Variants in MOB1A observed in about 807,000 individuals in gnomAD.
The protein encoded by MOB1A is MOB1 Mps One Binder homolog A.
A neutral mutation model predicts 25.1 loss-of-function variants in MOB1A; 10 were observed. The observed-to-expected ratio is 0.40, with a 90% CI of 0.25 to 0.68. The LOEUF (loss-of-function observed/expected upper bound fraction) is 0.68, where lower values mean the gene tolerates loss of function less well. Among genes scored for constraint, MOB1A ranks in the 30% least tolerant of loss-of-function variants. MOB1A has a pLI of 0.40. For synonymous variants in MOB1A, 81 were observed against 79.5 expected (o/e 1.02, Z -0.10); for missense variants, 177 against 256.3 (o/e 0.69, Z 2.11).
rs58496712 is a variant in MOB1A, at chr2:74,176,083, T to TACACACACACACAC, written c.14+2564_14+2577dup. ...CAACATAGTGAAACCCCGCCTCTAC[T>TACACACACACACAC]ACACACACACACACACACACACACA... On this transcript the variant is annotated intron_variant, in intron 1 of 5. Coordinates refer to ENST00000396049, the MANE Select transcript of MOB1A (RefSeq NM_018221.5). Among the ~76,000 whole-genome samples, 558 of 129,296 alleles carry TACACACACACACAC rather than the reference T, an allele frequency of 4.3e-3. 5 individuals carry two copies. The highest frequency in any genetic ancestry group is 0.012 in the African/African-American group (399 of 32,560). 84.8% of individuals were successfully genotyped at this position (129,296 alleles called of 152,430 possible). A position where few individuals can be genotyped will look rare whatever the true frequency, so the allele number is the denominator to read the frequency against.
chr2:74,167,203 A>G, intron 2 of MOB1A, 96 bp from the exon 3 acceptor site: 1 of 854,334 alleles, frequency 1.2e-6, no homozygotes, highest in Non-Finnish European at 1.9e-6. Flanking sequence ...TTAGGTTCTT[A>G]GCTGAACCCT....
rs1056433633 is a variant in MOB1A, at chr2:74,178,861, C to G, written c.-187G>C. 5 of 388,786 alleles carry G rather than the reference C, an allele frequency of 1.3e-5. No individual in the cohort carries two copies. In the East Asian group the frequency reaches 1.5e-4, roughly 11 times the overall value. The allele number at this position is 388,786 out of a possible 1,614,324, so 24.1% of individuals were successfully genotyped here. A position where few individuals can be genotyped will look rare whatever the true frequency, so the allele number is the denominator to read the frequency against. On this transcript the variant is annotated 5_prime_UTR_variant, in exon 1 of 6. Coordinates refer to ENST00000396049, the MANE Select transcript of MOB1A (RefSeq NM_018221.5). ...CGGCGCCCGCCTTGCCCGCCTACCC[C>G]ACCTCGCAGACCCGAAATGCGGAAC... is the stretch of plus-strand genomic sequence containing the variant.
At position 74,170,943 on chromosome 2, in the gene MOB1A, G is replaced by A. The variant is rs1219568348; in HGVS notation, c.181+1643C>T. Among the ~76,000 whole-genome samples the A allele has an allele frequency of 3.3e-5, 5 of 151,904 alleles. No homozygotes were observed. In the East Asian group the frequency reaches 9.7e-4, roughly 29 times the overall value. ...ATACACACAGGCCTCTTTGGATCCT[G>A]ATTTAAACAAAGCATAGATTTTTAA... On this transcript the variant is annotated intron_variant, in intron 2 of 5. Transcript: ENST00000396049.
chr2:74,171,300 A>T (rs1003575466), intron 2 of MOB1A, among the ~76,000 whole-genome samples: 8 of 143,688 alleles, frequency 5.6e-5, no homozygotes, highest in African/African-American at 1.7e-4. Context: ...AAAATAAAAT[A>T]AAAAAAAAAT....
At chr2:74,169,654 G>T (rs1693227225) in intron 2 of MOB1A, among the ~76,000 whole-genome samples, 1 of 151,302 alleles carries the variant, frequency 6.6e-6, no homozygotes, top group African/African-American at 2.4e-5. Context: ...CCCCCGACTG[G>T]GTCTCACTCT....
Position 74,153,573 on chromosome 2 carries a change from A to AATTG in MOB1A, c.*2994_*2995insCAAT, listed in dbSNP as rs1467587946. On this transcript the variant is annotated 3_prime_UTR_variant, in exon 6 of 6. Coordinates refer to ENST00000396049, the MANE Select transcript of MOB1A (RefSeq NM_018221.5). Reference sequence around the variant, plus strand: ...AATCACTTTATTCACAATCTGAAGAATGAAAGACAAATTTGGCTGTCAATA... The same window carrying AATTG: ...AATCACTTTATTCACAATCTGAAGAAATTGTGAAAGACAAATTTGGCTGTCAATA... The AATTG allele has an allele frequency of 6.6e-6, 1 of 152,266 alleles. No homozygotes were observed. The highest frequency in any genetic ancestry group is 6.5e-5 in the Admixed American group (1 of 15,282). The allele number at this position is 152,266 out of a possible 1,614,324, so 9.4% of individuals were successfully genotyped here. A position where few individuals can be genotyped will look rare whatever the true frequency, so the allele number is the denominator to read the frequency against.
Position 74,152,973 on chromosome 2 carries a change from T to C in MOB1A, c.*3595A>G, listed in dbSNP as rs1256022083. 1 of 152,216 alleles carries C rather than the reference T, an allele frequency of 6.6e-6. No individual in the cohort carries two copies. The highest frequency in any genetic ancestry group is 1.5e-5 in the Non-Finnish European group (1 of 68,024). The allele number at this position is 152,216 out of a possible 1,614,324, so 9.4% of individuals were successfully genotyped here. On this transcript the variant is annotated 3_prime_UTR_variant, in exon 6 of 6. Coordinates refer to ENST00000396049, the MANE Select transcript of MOB1A (RefSeq NM_018221.5). ...TGTACTATCATCCCCCAAGGCCTTT[T>C]ACAGTCTGAAATATCAAAATTGAAA...
intron 2 of MOB1A, among the ~76,000 whole-genome samples, chr2:74,170,601 G>T (rs1469532859): frequency 6.6e-6 from 1 of 151,528 alleles, no homozygotes; most frequent in Non-Finnish European, 1.5e-5. Flanking sequence ...CAGGTGTGGT[G>T]GCGGGCACCT....
chr2:74,165,046 A>G, intron 4 of MOB1A, 172 bp downstream of exon 4: 2 of 380,310 alleles, frequency 5.3e-6, no homozygotes, highest in Non-Finnish European at 9.2e-6. Flanking sequence ...CAGGCTGGAT[A>G]CGGTGGCTCA....
intron 5 of MOB1A, among the ~76,000 whole-genome samples, chr2:74,158,186 A>AC: frequency 8.9e-6 from 1 of 111,862 alleles, no homozygotes; most frequent in African/African-American, 4.6e-5. Flanking sequence ...TCTCCAAAAA[A>AC]AAAAAAAAGA....
At chr2:74,174,230 C>T (rs1357412914) in intron 1 of MOB1A, among the ~76,000 whole-genome samples, 2 of 144,420 alleles carry the variant, frequency 1.4e-5, no homozygotes, top group Admixed American at 7.2e-5. Flanking sequence ...AAGCTTGCAC[C>T]ACTGCACTCC....
In MOB1A at chr2:74,155,158, G is replaced by C. The variant is rs1430334977; in HGVS notation, c.*1410C>G. ...ATGAACTTAAAGCTTTGCCAGTTTG[G>C]CAAGTCTTCCAGTATAATACTTGTT... is the stretch of plus-strand genomic sequence containing the variant. On this transcript the variant is annotated 3_prime_UTR_variant, in exon 6 of 6. Coordinates refer to ENST00000396049, the MANE Select transcript of MOB1A (RefSeq NM_018221.5). 1.3e-5 allele frequency: 2 copies of C among 152,406 alleles called. No individual in the cohort carries two copies. Among genetic ancestry groups the C allele is most frequent in the African/African-American group, 4.8e-5 (2 of 41,438 alleles). The allele number at this position is 152,406 out of a possible 1,614,324, so 9.4% of individuals were successfully genotyped here.
rs1189311301 is a variant in MOB1A, at chr2:74,155,150, C to A, written c.*1418G>T. The stretch of plus-strand genomic sequence containing the variant: ...GAATGCTGATGAACTTAAAGCTTTG[C>A]CAGTTTGGCAAGTCTTCCAGTATAA... On this transcript the variant is annotated 3_prime_UTR_variant, in exon 6 of 6. Coordinates refer to ENST00000396049, the MANE Select transcript of MOB1A (RefSeq NM_018221.5). The A allele has an allele frequency of 6.6e-6, 1 of 152,412 alleles. No homozygotes were observed. The highest frequency in any genetic ancestry group is 2.4e-5 in the African/African-American group (1 of 41,460). 9.4% of individuals were successfully genotyped at this position (152,412 alleles called of 1,614,324 possible). A position where few individuals can be genotyped will look rare whatever the true frequency, so the allele number is the denominator to read the frequency against.
intron 2 of MOB1A, among the ~76,000 whole-genome samples, chr2:74,167,972 AC>A (rs1361000112): frequency 6.6e-6 from 1 of 152,128 alleles, no homozygotes; most frequent in Admixed American, 6.6e-5. Flanking sequence ...TTCCATCTCT[AC>A]AAAAATTTTT....
intron 2 of MOB1A, among the ~76,000 whole-genome samples, chr2:74,172,242 A>G (rs1291053074): frequency 6.6e-6 from 1 of 152,218 alleles, no homozygotes; most frequent in East Asian, 1.9e-4. Context: ...TGGGAGTGGA[A>G]GTAAAACTGT....
At chr2:74,170,629 G>A (rs1287510807) in intron 2 of MOB1A, among the ~76,000 whole-genome samples, 1 of 151,034 alleles carries the variant, frequency 6.6e-6, no homozygotes, top group African/African-American at 2.4e-5. Context: ...CAGCTACTCA[G>A]GAGGCTGAGG....
chr2:74,160,327 A>G (rs1258469505), intron 4 of MOB1A, among the ~76,000 whole-genome samples: 3 of 151,976 alleles, frequency 2.0e-5, no homozygotes, highest in African/African-American at 2.4e-5. Context: ...ATCCCTTAGG[A>G]AAAAAAAGAA....
chr2:74,172,470 T>C (rs898036602), intron 2 of MOB1A, 116 bp downstream of exon 2: 9 of 996,310 alleles, frequency 9.0e-6, no homozygotes, highest in Admixed American at 5.2e-5. Flanking sequence ...ACTTAATGTT[T>C]CTTTACAGAT....
At chr2:74,168,270 A>G (rs753054556) in intron 2 of MOB1A, among the ~76,000 whole-genome samples, 65 of 152,238 alleles carry the variant, frequency 4.3e-4, no homozygotes, top group Non-Finnish European at 8.5e-4. Flanking sequence ...AGCTTCAGCT[A>G]GATCCAGAAT....
Sources: gnomAD v4.1 joint callset for allele counts (sites outside exome capture counted in the v4.1 genomes callset) on GRCh38, gnomAD v4.1.1 for gene constraint, MANE v1.5 for transcripts, NCBI Gene and HGNC (gene_info 2026-07-23, HGNC 2026-07-21) for gene names.